The following HNRNPA3 variants were observed in gnomAD, a reference collection of about 807,000 sequenced individuals.
HNRNPA3 encodes heterogeneous nuclear ribonucleoprotein A3.
HNRNPA3 carries 3 observed loss-of-function variants against 45.8 expected under a neutral mutation model. The observed-to-expected ratio is 0.07, with a 90% CI of 0.03 to 0.17. The LOEUF (loss-of-function observed/expected upper bound fraction) is 0.17, where lower values mean the gene tolerates loss of function less well. Among genes scored for constraint, HNRNPA3 ranks in the 10% least tolerant of loss-of-function variants. HNRNPA3 has a pLI of 1.00. For synonymous variants in HNRNPA3, 170 were observed against 155.6 expected (o/e 1.09, Z -0.69); for missense variants, 183 against 480.3 (o/e 0.38, Z 5.79).
At chr2:177,213,222 G>A (rs1688762772) in intron 1 of HNRNPA3, among the ~76,000 whole-genome samples, 1 of 152,226 alleles carries the variant, frequency 6.6e-6, no homozygotes, top group African/African-American at 2.4e-5. Flanking sequence ...GAGGGGACGA[G>A]CAGGCACATC....
intron 2 of HNRNPA3, 43 bp from the exon 3 acceptor site, chr2:177,215,707 C>T: frequency 1.3e-6 from 2 of 1,566,878 alleles, no homozygotes; most frequent in Non-Finnish European, 1.7e-6. Flanking sequence ...TGTAGAGAAC[C>T]GGTGGAGGTG....
intron 8 of HNRNPA3, among the ~76,000 whole-genome samples, chr2:177,218,556 G>A (rs190837369): frequency 6.6e-6 from 1 of 152,288 alleles, no homozygotes; most frequent in East Asian, 1.9e-4. Context: ...TTGCCATCTA[G>A]GGCCCAGGTT....
At chr2:177,216,553 C>G (rs762320144) in exon 5 of HNRNPA3, 1 of 1,614,078 alleles carries the variant, frequency 6.2e-7, no homozygotes, top group Admixed American at 1.7e-5. Flanking sequence ...GAAAAAGGCC[C>G]TTTCTAAACA....
chr2:177,217,036 G>T (rs1688972502), intron 7 of HNRNPA3, 96 bp downstream of exon 7: 1 of 1,254,218 alleles, frequency 8.0e-7, no homozygotes, highest in Non-Finnish European at 1.1e-6. Flanking sequence ...TAAAACTTCA[G>T]TGGCTAAATG....
rs888729515 is a variant in HNRNPA3, at chr2:177,217,215, C to T, written c.820+275C>T. ...ATTTTGTAAAATGAAAACTGATTTT[C>T]TTTTTTACTATCAGAAGATGGGTTA... On this transcript the variant is annotated intron_variant, in intron 7 of 10. Coordinates refer to ENST00000392524, the Ensembl canonical transcript of HNRNPA3. 9.5e-5 allele frequency among the ~76,000 whole-genome samples: 10 copies of T among 105,284 alleles called. No individual in the cohort carries two copies. The East Asian group carries it at 2.5e-3, about 26-fold the overall frequency. The allele number at this position is 105,284 out of a possible 152,430, so 69.1% of individuals were successfully genotyped here.
intron 8 of HNRNPA3, among the ~76,000 whole-genome samples, chr2:177,218,825 TAGAG>T (rs900064333): frequency 4.6e-5 from 7 of 152,192 alleles, no homozygotes; most frequent in African/African-American, 1.4e-4. Flanking sequence ...GTGTTAATGG[TAGAG>T]AGAACATGCG....
chr2:177,212,913 G>A (rs762145497), intron 1 of HNRNPA3, 42 bp downstream of exon 1: 44 of 1,277,646 alleles, frequency 3.4e-5, no homozygotes, highest in Non-Finnish European at 4.4e-5. Context: ...AATGGCCGGC[G>A]TTGGGGGCCT....
At chr2:177,217,597 A>T in intron 7 of HNRNPA3, 108 bp from the exon 8 acceptor site, 1 of 1,358,532 alleles carries the variant, frequency 7.4e-7, no homozygotes, top group Non-Finnish European at 1.0e-6. Context: ...ACTGTACTTG[A>T]GCCCGGGCAA....
At chr2:177,215,646 A>G (rs1408408486) in exon 2 of HNRNPA3, 10 of 1,613,984 alleles carry the variant, frequency 6.2e-6, no homozygotes, top group Non-Finnish European at 8.5e-6. Context: ...AATGGGGCAC[A>G]CTCACAGATT....
At chr2:177,216,321 T>C (rs956940406) in intron 4 of HNRNPA3, 133 bp downstream of exon 4, 1 of 729,192 alleles carries the variant, frequency 1.4e-6, no homozygotes, top group Admixed American at 2.7e-5. Flanking sequence ...TCATAGTGTC[T>C]GCCTGTGTAA....
chr2:177,216,428 C>T, intron 4 of HNRNPA3, 75 bp from the exon 5 acceptor site: 1 of 1,037,910 alleles, frequency 9.6e-7, no homozygotes. Flanking sequence ...TACATAATGA[C>T]AGAGGGTATC....
At chr2:177,213,332 C>A (rs963995113) in intron 1 of HNRNPA3, among the ~76,000 whole-genome samples, 1 of 152,226 alleles carries the variant, frequency 6.6e-6, no homozygotes, top group African/African-American at 2.4e-5. Context: ...CTCGCTCTGC[C>A]GCCGGGAAAG....
chr2:177,215,109 T>G (rs1480190591), intron 1 of HNRNPA3, among the ~76,000 whole-genome samples: 1 of 152,136 alleles, frequency 6.6e-6, no homozygotes, highest in Non-Finnish European at 1.5e-5. Flanking sequence ...TTTTGTTGTT[T>G]TGTTTTTTTG....
At chr2:177,217,241 C>T (rs1484580466) in intron 7 of HNRNPA3, among the ~76,000 whole-genome samples, 2 of 151,962 alleles carry the variant, frequency 1.3e-5, no homozygotes, top group Admixed American at 6.6e-5. Context: ...AGATGGGTTA[C>T]ACATTTATTT....
intron 1 of HNRNPA3, among the ~76,000 whole-genome samples, chr2:177,213,473 C>G (rs1020031667): frequency 6.6e-6 from 1 of 152,240 alleles, no homozygotes; most frequent in African/African-American, 2.4e-5. Context: ...TACGGGTCCT[C>G]TCCGCGAGAA....
chr2:177,219,026 T>C lies in HNRNPA3; in HGVS notation c.962-11T>C, dbSNP rs750738412. ...GTAGGTAAACCACACATAAAACCTT[T>C]CTGATTTCAGGTAACTATGGTGGTG... On this transcript the variant is annotated splice_polypyrimidine_tract_variant and intron_variant, in intron 8 of 10. Coordinates refer to ENST00000392524, the Ensembl canonical transcript of HNRNPA3. 6 of 1,612,334 alleles carry C rather than the reference T, an allele frequency of 3.7e-6. No homozygotes were observed. Among genetic ancestry groups the C allele is most frequent in the Non-Finnish European group, 5.1e-6 (6 of 1,179,708 alleles).
chr2:177,215,413 G>A, intron 1 of HNRNPA3, 126 bp from the exon 2 acceptor site: 3 of 1,016,502 alleles, frequency 3.0e-6, no homozygotes, highest in South Asian at 1.5e-5. Flanking sequence ...AGTTTTAACT[G>A]GACAAAGTGT....
chr2:177,213,459 CT>C (rs1223719959), intron 1 of HNRNPA3, among the ~76,000 whole-genome samples: 1 of 152,232 alleles, frequency 6.6e-6, no homozygotes, highest in African/African-American at 2.4e-5. Flanking sequence ...TTTTCTAGGC[CT>C]TTTACGGGTC....
intron 4 of HNRNPA3, 37 bp from the exon 5 acceptor site, chr2:177,216,466 A>T: frequency 3.4e-6 from 5 of 1,483,544 alleles, no homozygotes; most frequent in Non-Finnish European, 4.7e-6. Context: ...CAAACATAAA[A>T]TAACTTTTTG....
Sources: gnomAD v4.1 joint callset for allele counts (sites outside exome capture counted in the v4.1 genomes callset) on GRCh38, gnomAD v4.1.1 for gene constraint, MANE v1.5 for transcripts, NCBI Gene and HGNC (gene_info 2026-07-23, HGNC 2026-07-21) for gene names.